The following CACNG2 variants were observed in gnomAD, a reference collection of about 807,000 sequenced individuals.
CACNG2 encodes the protein voltage-dependent calcium channel gamma-2 subunit.
In CACNG2, 3 loss-of-function variants were observed where a neutral mutation model predicts 25.9. The observed-to-expected ratio is 0.12, with a 90% CI of 0.05 to 0.30. CACNG2 has a LOEUF of 0.30. CACNG2 is among the 10% of genes least tolerant of loss of function. The pLI is 1.00. For missense variants in CACNG2, 341 were observed against 432.5 expected (o/e 0.79, Z 1.88); for synonymous variants, 167 against 173.3 (o/e 0.96, Z 0.29).
intron 1 of CACNG2, among the ~76,000 whole-genome samples, chr22:36,698,330 A>G (rs1045035505): frequency 2.0e-5 from 3 of 152,210 alleles, no homozygotes; most frequent in Non-Finnish European, 4.4e-5. Flanking sequence ...GTACCTAAAG[A>G]AAGTCAAATT....
chr22:36,583,631 T>C (rs1935456322), intron 2 of CACNG2, among the ~76,000 whole-genome samples: 2 of 152,154 alleles, frequency 1.3e-5, no homozygotes, highest in Admixed American at 6.5e-5. Context: ...CCATGGCCCA[T>C]GCCCCATCAG....
At chr22:36,612,832 T>C (rs914174417) in intron 1 of CACNG2, among the ~76,000 whole-genome samples, 3 of 152,344 alleles carry the variant, frequency 2.0e-5, no homozygotes, top group African/African-American at 4.8e-5. Flanking sequence ...AGAAGTCTTT[T>C]GTCCTAAGCT....
chr22:36,579,504 C>T (rs1935379182), intron 2 of CACNG2, among the ~76,000 whole-genome samples: 1 of 151,562 alleles, frequency 6.6e-6, no homozygotes, highest in Non-Finnish European at 1.5e-5. Flanking sequence ...CGGGCCCGAG[C>T]ACCTGCCTTT....
chr22:36,609,382 CAGGAATCAGCCCCCCAGAGCGTGATCGGG>C (rs1431039247), intron 1 of CACNG2, among the ~76,000 whole-genome samples: 7,357 of 53,072 alleles, frequency 0.14, 13 homozygotes, highest in East Asian at 0.2. Context: ...CGTGATCGGG[CAGGAATCAGCCCCCCAGAGCGTGATCGGG>C]AGGAATCAGC....
rs568942572 is a variant in CACNG2, at chr22:36,574,816, C to T, written c.296-8323G>A. 1.3e-3 allele frequency among the ~76,000 whole-genome samples: 198 copies of T among 151,124 alleles called. 1 individual carries two copies. The highest frequency in any genetic ancestry group is 3.4e-3 in the Middle Eastern group (1 of 294). Reference sequence around the variant, plus strand: ...AAAACAAAACCAAAACAAAACAAAACAAACAAAAAAAGAGACTAGAGGAGG... The same window carrying T: ...AAAACAAAACCAAAACAAAACAAAATAAACAAAAAAAGAGACTAGAGGAGG... On this transcript the variant is annotated intron_variant, in intron 2 of 3. Coordinates refer to ENST00000300105, the MANE Select transcript of CACNG2 (RefSeq NM_006078.5).
At chr22:36,696,373 C>T (rs1366828688) in intron 1 of CACNG2, among the ~76,000 whole-genome samples, 2 of 152,100 alleles carry the variant, frequency 1.3e-5, no homozygotes, top group African/African-American at 4.8e-5. Context: ...TCACTCCTTC[C>T]TCTGTATTGA....
At chr22:36,644,830 A>T (rs1019370142) in intron 1 of CACNG2, among the ~76,000 whole-genome samples, 5 of 151,430 alleles carry the variant, frequency 3.3e-5, no homozygotes, top group African/African-American at 7.4e-5. Context: ...TTGTTTTTTT[A>T]AAGTTGGTTA....
At chr22:36,665,411 A>C (rs1441350188) in intron 1 of CACNG2, among the ~76,000 whole-genome samples, 2 of 152,204 alleles carry the variant, frequency 1.3e-5, no homozygotes, top group Non-Finnish European at 2.9e-5. Context: ...ATGTGCATGA[A>C]GCAAGTACAC....
intron 1 of CACNG2, among the ~76,000 whole-genome samples, chr22:36,611,089 T>C (rs1425215381): frequency 6.6e-6 from 1 of 152,178 alleles, no homozygotes; most frequent in Non-Finnish European, 1.5e-5. Flanking sequence ...CTTAATTAGA[T>C]CCACAATGCA....
chr22:36,594,907 T>G (rs887284762), intron 1 of CACNG2, among the ~76,000 whole-genome samples: 1 of 151,310 alleles, frequency 6.6e-6, no homozygotes, highest in Non-Finnish European at 1.5e-5. Flanking sequence ...GGTGTGTGTG[T>G]GCATGTGTGT....
At chr22:36,570,789 C>T (rs1194281403) in intron 2 of CACNG2, among the ~76,000 whole-genome samples, 1 of 137,854 alleles carries the variant, frequency 7.3e-6, no homozygotes, top group Non-Finnish European at 1.5e-5. Context: ...AAAAAGGCAA[C>T]AGTGGGCAAC....
rs1937421756 is a variant in CACNG2 at position 36,702,380 on chromosome 22, G to T, written c.197C>A (p.Thr66Asn). Residue 66 changes from threonine to asparagine, a missense_variant, in exon 1 of 4, where the codon ACC becomes AAC. Thr to Asn is a moderately conservative substitution (Grantham distance 65). This residue lies in a region of CACNG2 where 169 missense variants were observed against 254.4 expected (regional missense o/e 0.66). Transcript: ENST00000300105. The part of the protein sequence containing the change: ...EVMTHSGLWR[T>N]CCLEGNFKGL... ...AAGTCAAGTACCTTCTAGGCAGCAG[G>T]TTCTCCATAATCCGGAATGGGTCAT... 6.2e-7 allele frequency: 1 copy of T among 1,613,380 alleles called. No homozygotes were observed. The highest frequency in any genetic ancestry group is 1.7e-5 in the Admixed American group (1 of 60,002).
At chr22:36,605,374 C>T (rs1935815646) in intron 1 of CACNG2, among the ~76,000 whole-genome samples, 1 of 152,174 alleles carries the variant, frequency 6.6e-6, no homozygotes, top group African/African-American at 2.4e-5. Flanking sequence ...CATGCCCGGC[C>T]CCAACATAAC....
At chr22:36,699,696 G>A (rs1937386791) in intron 1 of CACNG2, among the ~76,000 whole-genome samples, 1 of 152,030 alleles carries the variant, frequency 6.6e-6, no homozygotes, top group South Asian at 2.1e-4. Flanking sequence ...TCACACAAAA[G>A]AAACACAAGT....
At chr22:36,591,403 G>A (rs1291940947) in intron 1 of CACNG2, among the ~76,000 whole-genome samples, 1 of 152,142 alleles carries the variant, frequency 6.6e-6, no homozygotes, top group African/African-American at 2.4e-5. Context: ...GGAGGGGCTG[G>A]GGGCAGTGGC....
At chr22:36,679,716 G>A (rs1313543849) in intron 1 of CACNG2, among the ~76,000 whole-genome samples, 6 of 152,086 alleles carry the variant, frequency 3.9e-5, no homozygotes, top group Admixed American at 6.5e-5. Flanking sequence ...TGGAGAAAGA[G>A]CCCACTCCAG....
chr22:36,660,634 C>T (rs1936778318), intron 1 of CACNG2, among the ~76,000 whole-genome samples: 1 of 152,256 alleles, frequency 6.6e-6, no homozygotes, highest in African/African-American at 2.4e-5. Flanking sequence ...CCCCACCTTG[C>T]CCAGGTGAGG....
At chr22:36,650,141 C>T (rs990604827) in intron 1 of CACNG2, among the ~76,000 whole-genome samples, 1 of 152,202 alleles carries the variant, frequency 6.6e-6, no homozygotes, top group Non-Finnish European at 1.5e-5. Flanking sequence ...CAATTCTCAA[C>T]TCAGCCTCTG....
intron 1 of CACNG2, among the ~76,000 whole-genome samples, chr22:36,659,670 G>A (rs1481019193): frequency 6.6e-6 from 1 of 151,452 alleles, no homozygotes; most frequent in Non-Finnish European, 1.5e-5. Flanking sequence ...GGCAGGGGTG[G>A]GATGGTGCGG....
Sources: gnomAD v4.1 joint callset for allele counts (sites outside exome capture counted in the v4.1 genomes callset) on GRCh38, gnomAD v4.1.1 for gene constraint, gnomAD v4.1.1 regional missense constraint, MANE v1.5 for transcripts, NCBI Gene and HGNC (gene_info 2026-07-23, HGNC 2026-07-21) for gene names.